The following ZNF10 variants were observed in gnomAD, a reference collection of about 807,000 sequenced individuals.
ZNF10 encodes the protein zinc finger protein 10 (KOX 1).
Under a neutral mutation model 12.2 loss-of-function variants are expected in ZNF10, and 8 were observed. That is an observed-to-expected ratio of 0.66 (90% CI 0.39 to 1.18). The LOEUF (loss-of-function observed/expected upper bound fraction) is 1.18. ZNF10 is among the 50% of genes most tolerant of loss of function. The pLI is 0.01. For missense variants in ZNF10, 603 were observed against 678.9 expected (o/e 0.89, Z 1.24); for synonymous variants, 229 against 228.2 (o/e 1.00, Z -0.03).
At chr12:133,151,694 GTCCC>G in intron 3 of ZNF10, 111 bp from the exon 4 acceptor site, 1 of 636,386 alleles carries the variant, frequency 1.6e-6, no homozygotes, top group Admixed American at 2.8e-5. Context: ...CAACTTTAGA[GTCCC>G]TGCCAGTCCT....
intron 2 of ZNF10, among the ~76,000 whole-genome samples, chr12:133,145,699 G>A (rs941833465): frequency 7.2e-5 from 11 of 152,024 alleles, no homozygotes; most frequent in Non-Finnish European, 1.2e-4. Context: ...TAGCTACTCC[G>A]GAGGCTGAGG....
rs370944050 is a variant in ZNF10 at position 133,156,928 on chromosome 12, T to C, written c.1682T>C (p.Ile561Thr). ...GTALVNTSNL[I>T]GYQTNHIREN... is the part of the protein sequence containing the mutation. ...GCGCTTGTTAATACCTCTAACCTTA[T>C]TGGATACCAGACAAATCATATTAGA... Residue 561 changes from isoleucine (I) to threonine (T), a missense_variant, in exon 5 of 5, where the codon ATT becomes ACT. Around this residue, in one of 3 missense-constraint regions of ZNF10, gnomAD observed 6 missense variants for 16.4 expected, o/e 0.37. Coordinates refer to ENST00000248211, the MANE Select transcript of ZNF10 (RefSeq NM_015394.5). 9 of 1,452,890 alleles carry C rather than the reference T, an allele frequency of 6.2e-6. No individual in the cohort carries two copies. Among genetic ancestry groups the C allele is most frequent in the African/African-American group, 5.7e-5 (4 of 70,116 alleles). The allele number at this position is 1,452,890 out of a possible 1,614,324, so 90.0% of individuals were successfully genotyped here. A position where few individuals can be genotyped will look rare whatever the true frequency, so the allele number is the denominator to read the frequency against.
intron 1 of ZNF10, among the ~76,000 whole-genome samples, chr12:133,142,553 C>T (rs1035878780): frequency 9.2e-5 from 14 of 152,018 alleles, no homozygotes; most frequent in African/African-American, 3.4e-4. Context: ...ACTTGACATT[C>T]CTGTAAAGAA....
chr12:133,156,960 G>C lies in ZNF10; in HGVS notation c.1714G>C (p.Ala572Pro). 7.1e-7 allele frequency: 1 copy of C among 1,411,986 alleles called. No homozygotes were observed. The highest frequency in any genetic ancestry group is 9.3e-7 in the Non-Finnish European group (1 of 1,080,164). The allele number at this position is 1,411,986 out of a possible 1,614,324, so 87.5% of individuals were successfully genotyped here. The change falls in exon 5 of 5, where the codon GCT becomes CCT. Residue 572 changes from alanine (A) to proline (P), a missense_variant. Physicochemically the swap from Ala to Pro is conservative, Grantham distance 27. Around this residue, in one of 3 missense-constraint regions of ZNF10, gnomAD observed 6 missense variants for 16.4 expected, o/e 0.37. Transcript: ENST00000248211. ...CCAGACAAATCATATTAGAGAAAAT[G>C]CTTACTAATAAATATGGGAATTTTT... is the stretch of plus-strand genomic sequence containing the variant. Reference protein sequence around the residue: ...GYQTNHIRENAY With the variant: ...GYQTNHIRENPY
Position 133,155,550 on chromosome 12 carries a change from A to C in ZNF10, c.304A>C (p.Ile102Leu), listed in dbSNP as rs1956034036. ...EIKSSVSSRS[I>L]FKDKQSCDIK... ...CAAATCATCAGTTTCCAGCAGGAGC[A>C]TTTTTAAAGATAAGCAATCCTGTGA... Residue 102 changes from isoleucine to leucine, a missense_variant, in exon 5 of 5, where the codon ATT becomes CTT. Ile to Leu is a conservative substitution (Grantham distance 5). Transcript: ENST00000248211. The C allele has an allele frequency of 6.3e-7, 1 of 1,599,550 alleles. No homozygotes were observed. The highest frequency in any genetic ancestry group is 8.5e-7 in the Non-Finnish European group (1 of 1,176,194).
In ZNF10 at chr12:133,140,202, C is replaced by CAAAAAAA. The variant is rs67577219; in HGVS notation, c.-59-4209_-59-4203dup. Among the ~76,000 whole-genome samples, 3 of 35,200 alleles carry CAAAAAAA rather than the reference C, an allele frequency of 8.5e-5. 1 individual carries two copies. The highest frequency in any genetic ancestry group is 1.3e-4 in the African/African-American group (2 of 15,768). The allele number at this position is 35,200 out of a possible 152,430, so 23.1% of individuals were successfully genotyped here. On this transcript the variant is annotated intron_variant, in intron 1 of 4. Transcript: ENST00000248211. ...TGGATGACAGAGTAAGACCCTGTCTCAAAAAAAAAAAAAAAAAAAAAAAAA... is the reference window on the plus strand; with the variant it reads ...TGGATGACAGAGTAAGACCCTGTCTCAAAAAAAAAAAAAAAAAAAAAAAAAAAAAAAA...
At chr12:133,150,978 G>A (rs970616722) in intron 2 of ZNF10, 50 bp from the exon 3 acceptor site, 2 of 1,589,412 alleles carry the variant, frequency 1.3e-6, no homozygotes, top group South Asian at 1.1e-5. Flanking sequence ...AGGAAAGGGG[G>A]ATAGCAAAGA....
chr12:133,154,787 C>A (rs564753580), intron 4 of ZNF10, among the ~76,000 whole-genome samples: 2 of 152,226 alleles, frequency 1.3e-5, no homozygotes, highest in Non-Finnish European at 2.9e-5. Context: ...TTTAAGAATA[C>A]TAAATTGGGC....
At position 133,158,204 on chromosome 12, in the gene ZNF10, A is replaced by C. The variant is rs1304571866; in HGVS notation, c.*1236A>C. On this transcript the variant is annotated 3_prime_UTR_variant, in exon 5 of 5. Coordinates refer to ENST00000248211, the MANE Select transcript of ZNF10 (RefSeq NM_015394.5). ...GTAGGATTATGGTGAGTATTAAATGAGTAAATGGAAACAGCTTAGAATAGT... is the reference window on the plus strand; with the variant it reads ...GTAGGATTATGGTGAGTATTAAATGCGTAAATGGAAACAGCTTAGAATAGT... 1 of 152,210 alleles carries C rather than the reference A, an allele frequency of 6.6e-6. No homozygotes were observed. The highest frequency in any genetic ancestry group is 1.9e-4 in the East Asian group (1 of 5,198). 9.4% of individuals were successfully genotyped at this position (152,210 alleles called of 1,614,324 possible). A position where few individuals can be genotyped will look rare whatever the true frequency, so the allele number is the denominator to read the frequency against.
intron 1 of ZNF10, among the ~76,000 whole-genome samples, chr12:133,131,291 T>A (rs1955873830): frequency 6.6e-6 from 1 of 152,064 alleles, no homozygotes; most frequent in African/African-American, 2.4e-5. Flanking sequence ...CAGAGACAGA[T>A]CATAAGTTTA....
At chr12:133,155,384 T>C in intron 4 of ZNF10, 119 bp from the exon 5 acceptor site, 1 of 1,093,938 alleles carries the variant, frequency 9.1e-7, no homozygotes, top group Non-Finnish European at 1.3e-6. Flanking sequence ...TCTATCAAAG[T>C]TATAAAGCCA....
chr12:133,151,332 A>G (rs1373922797), intron 3 of ZNF10, among the ~76,000 whole-genome samples, 178 bp downstream of exon 3: 1 of 152,088 alleles, frequency 6.6e-6, no homozygotes, highest in Non-Finnish European at 1.5e-5. Context: ...AATGTATTGA[A>G]GTTTTAAAAA....
At chr12:133,147,118 G>A (rs1311835288) in intron 2 of ZNF10, among the ~76,000 whole-genome samples, 3 of 152,202 alleles carry the variant, frequency 2.0e-5, no homozygotes, top group Non-Finnish European at 4.4e-5. Flanking sequence ...GATTTACACT[G>A]TGTGGCTGTA....
intron 1 of ZNF10, among the ~76,000 whole-genome samples, chr12:133,140,063 T>G (rs1348221192): frequency 1.3e-5 from 2 of 151,250 alleles, no homozygotes; most frequent in Non-Finnish European, 2.9e-5. Context: ...ATTAGCTGAG[T>G]GTGATGGTAT....
chr12:133,154,326 C>T (rs185786920), intron 4 of ZNF10, among the ~76,000 whole-genome samples: 53 of 152,194 alleles, frequency 3.5e-4, no homozygotes, highest in Non-Finnish European at 7.1e-4. Context: ...ATTCTAAGAG[C>T]GTATGGGTCA....
rs528605056 is a variant in ZNF10 at position 133,156,782 on chromosome 12, T to G, written c.1536T>G (p.Val512=). The G allele has an allele frequency of 1.3e-6, 2 of 1,583,416 alleles. No individual in the cohort carries two copies. The highest frequency in any genetic ancestry group is 2.3e-5 in the South Asian group (2 of 85,574). The change falls in exon 5 of 5, where the codon GTT becomes GTG. Residue 512 remains valine, a synonymous_variant. Transcript: ENST00000248211. ...NDLIKHQRIH[V]GEETYKCNQC... ...TCATTAAGCACCAGAGAATTCATGT[T>G]GGAGAAGAGACCTATAAATGTAATC...
At chr12:133,151,709 G>T (rs1428880658) in intron 3 of ZNF10, 100 bp from the exon 4 acceptor site, 25 of 778,494 alleles carry the variant, frequency 3.2e-5, no homozygotes, top group Non-Finnish European at 5.1e-5. Context: ...TGCCAGTCCT[G>T]CAGAGGGTTG....
intron 1 of ZNF10, among the ~76,000 whole-genome samples, chr12:133,132,693 A>C (rs537908664): frequency 3.2e-4 from 48 of 152,252 alleles, no homozygotes; most frequent in African/African-American, 1.1e-3. Context: ...GATATAGGCC[A>C]CCTTTGTCTG....
At chr12:133,149,833 T>G (rs1001797221) in intron 2 of ZNF10, among the ~76,000 whole-genome samples, 1 of 152,176 alleles carries the variant, frequency 6.6e-6, no homozygotes, top group Non-Finnish European at 1.5e-5. Flanking sequence ...ATTATTTGAA[T>G]ATATTTTAGT....
Sources: gnomAD v4.1 joint callset for allele counts (sites outside exome capture counted in the v4.1 genomes callset) on GRCh38, gnomAD v4.1.1 for gene constraint, gnomAD v4.1.1 regional missense constraint, MANE v1.5 for transcripts, NCBI Gene and HGNC (gene_info 2026-07-23, HGNC 2026-07-21) for gene names.